CNTN6: variants seen among roughly 807,000 people sequenced by gnomAD.
CNTN6 encodes contactin 6.
CNTN6 carries 137 observed loss-of-function variants against 122.8 expected under a neutral mutation model. The observed-to-expected ratio is 1.12, with a 90% confidence interval of 0.97 to 1.29. The LOEUF (loss-of-function observed/expected upper bound fraction) is 1.29, where lower values mean the gene tolerates loss of function less well. Ranked by LOEUF, CNTN6 falls within the 50% of genes most tolerant of loss-of-function variation. CNTN6 has a pLI of 0.00. For synonymous variants in CNTN6, 570 were observed against 426.0 expected (o/e 1.34, Z -4.16); for missense variants, 1,634 against 1,223.4 (o/e 1.34, Z -5.01).
At chr3:1,280,503 C>G (rs965052395) in intron 5 of CNTN6, among the ~76,000 whole-genome samples, 2 of 88,922 alleles carry the variant, frequency 2.2e-5, no homozygotes, top group African/African-American at 8.7e-5. Context: ...CTCGCTCTGT[C>G]TCCCAGGCTG....
chr3:1,351,107 A>C (rs1435125634), intron 11 of CNTN6, among the ~76,000 whole-genome samples: 1 of 151,820 alleles, frequency 6.6e-6, no homozygotes, highest in Non-Finnish European at 1.5e-5. Flanking sequence ...GGCTCCTTCC[A>C]CTCACTGATA....
At chr3:1,133,269 T>A (rs1417108613) in intron 1 of CNTN6, among the ~76,000 whole-genome samples, 3 of 152,144 alleles carry the variant, frequency 2.0e-5, no homozygotes, top group African/African-American at 7.2e-5. Flanking sequence ...TGGACCAACA[T>A]AAACAAAGAT....
At chr3:1,154,162 A>T (rs1339945301) in intron 2 of CNTN6, among the ~76,000 whole-genome samples, 1 of 151,924 alleles carries the variant, frequency 6.6e-6, no homozygotes, top group Admixed American at 6.6e-5. Flanking sequence ...CCTTAAATGA[A>T]ATTGTTAGGA....
At chr3:1,330,660 T>C (rs1013980817) in intron 11 of CNTN6, among the ~76,000 whole-genome samples, 16 of 151,914 alleles carry the variant, frequency 1.1e-4, no homozygotes, top group African/African-American at 3.4e-4. Flanking sequence ...AACGAGCCAT[T>C]GTGCTGAAGA....
intron 4 of CNTN6, among the ~76,000 whole-genome samples, chr3:1,236,787 G>A (rs181321430): frequency 6.6e-6 from 1 of 152,240 alleles, no homozygotes; most frequent in Admixed American, 6.5e-5. Flanking sequence ...AGCTAATCAA[G>A]AAGGCACCAG....
At chr3:1,347,033 A>C (rs1704835953) in intron 11 of CNTN6, among the ~76,000 whole-genome samples, 1 of 152,196 alleles carries the variant, frequency 6.6e-6, no homozygotes, top group Non-Finnish European at 1.5e-5. Flanking sequence ...CCTTCAACTT[A>C]TCAGTTAAAC....
At chr3:1,320,622 T>C (rs1700715426) in intron 7 of CNTN6, among the ~76,000 whole-genome samples, 1 of 151,746 alleles carries the variant, frequency 6.6e-6, no homozygotes, top group South Asian at 2.1e-4. Flanking sequence ...ATAGAATTAT[T>C]CAAATCATCT....
At chr3:1,312,936 G>A (rs569592815) in intron 7 of CNTN6, among the ~76,000 whole-genome samples, 2 of 151,634 alleles carry the variant, frequency 1.3e-5, no homozygotes, top group Non-Finnish European at 2.9e-5. Flanking sequence ...GCTATAGCAT[G>A]ATTTAAAGAA....
chr3:1,280,459 A>ATTTTTTTTTTTTTTT (rs71619483), intron 5 of CNTN6, among the ~76,000 whole-genome samples: 964 of 66,582 alleles, frequency 0.014, 200 homozygotes, highest in Middle Eastern at 0.019. Flanking sequence ...TGTAATACCA[A>ATTTTTTTTTTTTTTT]TTTTTTTTTT....
intron 11 of CNTN6, among the ~76,000 whole-genome samples, chr3:1,335,153 C>T (rs1702862051): frequency 6.6e-6 from 1 of 152,168 alleles, no homozygotes. Context: ...AGGTTCTCAG[C>T]TGGTTCATTT....
chr3:1,400,244 C>A (rs1695513446), intron 20 of CNTN6, among the ~76,000 whole-genome samples: 1 of 151,996 alleles, frequency 6.6e-6, no homozygotes. Context: ...TATTTTATAT[C>A]TCTCCAGTTT....
chr3:1,222,884 C>T (rs573868849), intron 3 of CNTN6, among the ~76,000 whole-genome samples: 5 of 152,126 alleles, frequency 3.3e-5, no homozygotes, highest in African/African-American at 1.2e-4. Context: ...AGGCCCCAGT[C>T]GTTGTTCCCC....
At chr3:1,310,239 G>A (rs1699020244) in intron 7 of CNTN6, among the ~76,000 whole-genome samples, 1 of 152,122 alleles carries the variant, frequency 6.6e-6, no homozygotes, top group South Asian at 2.1e-4. Flanking sequence ...CATTAAGTAG[G>A]ATGCTAGTGC....
At chr3:1,352,536 C>A in intron 12 of CNTN6, 85 bp downstream of exon 12, 1 of 1,485,256 alleles carries the variant, frequency 6.7e-7, no homozygotes. Flanking sequence ...CAAACCTGTA[C>A]CATATTGTGT....
intron 1 of CNTN6, among the ~76,000 whole-genome samples, chr3:1,123,886 C>T (rs2125071349): frequency 1.3e-5 from 2 of 152,038 alleles, no homozygotes; most frequent in East Asian, 3.9e-4. Context: ...ATGTTTTTAT[C>T]ATGAAAGTGT....
intron 2 of CNTN6, among the ~76,000 whole-genome samples, chr3:1,149,656 C>G (rs7625601): frequency 0.18 from 27,876 of 152,038 alleles, 3,269 homozygotes; most frequent in African/African-American, 0.33. Context: ...GTCTCTGTAA[C>G]AAAGATTTGG....
At chr3:1,174,985 C>G in intron 2 of CNTN6, among the ~76,000 whole-genome samples, 1 of 151,950 alleles carries the variant, frequency 6.6e-6, no homozygotes. Flanking sequence ...TCCTGTAATT[C>G]CAGCATTTTT....
intron 4 of CNTN6, among the ~76,000 whole-genome samples, chr3:1,270,102 T>C (rs1039494303): frequency 3.3e-5 from 5 of 152,166 alleles, no homozygotes; most frequent in African/African-American, 1.2e-4. Flanking sequence ...TACTGAGTTA[T>C]GCTAGGAAAC....
At chr3:1,372,696 A>C in intron 13 of CNTN6, 142 bp from the exon 14 acceptor site, 1 of 684,228 alleles carries the variant, frequency 1.5e-6, no homozygotes, top group Non-Finnish European at 2.5e-6. Context: ...AAAAGGGTTT[A>C]GATACAAGAA....
Sources: allele counts gnomAD v4.1 joint callset (sites outside exome capture counted in the v4.1 genomes callset), GRCh38; gene constraint gnomAD v4.1.1; transcripts MANE v1.5; gene names NCBI Gene and HGNC (gene_info 2026-07-23, HGNC 2026-07-21).